The following HUWE1 variants were observed in gnomAD, a reference collection of about 807,000 sequenced individuals.
HUWE1 encodes the protein E3 ubiquitin-protein ligase HUWE1.
A neutral mutation model predicts 299.4 loss-of-function variants in HUWE1; 18 were observed. That is an observed-to-expected ratio of 0.06 (90% CI 0.04 to 0.09). The LOEUF is 0.09. HUWE1 is among the 10% of genes least tolerant of loss of function. HUWE1 has a pLI of 1.00. For synonymous variants in HUWE1, 1,317 were observed against 1,286.1 expected, an observed-to-expected ratio of 1.02 and a Z score of -0.51; for missense variants, 1,832 against 3,462.3, an observed-to-expected ratio of 0.53 and a Z score of 11.82.
Position 53,536,530 on chromosome X carries a change from G to C in HUWE1, c.12275C>G (p.Thr4092Ser), listed in dbSNP as rs587780358. The change falls in exon 79 of 84, where the codon ACC becomes AGC. Residue 4092 changes from threonine to serine, a missense_variant. Around this residue, in one of 15 missense-constraint regions of HUWE1, gnomAD observed 129 missense variants for 439.4 expected, o/e 0.29. Transcript: ENST00000262854. The part of the protein sequence containing the change: ...RTSPGDRVTY[T>S]INPSSHCNPN... ...GTTGCAGTGGGAAGATGGATTGATG[G>C]TGTAGGTGACTCGATCACCAGGTGA... 1.7e-6 allele frequency: 2 copies of C among 1,209,680 alleles called. No homozygotes were observed. Among genetic ancestry groups the C allele is most frequent in the Non-Finnish European group, 2.2e-6 (2 of 895,023 alleles).
chrX:53,542,286 G>C lies in HUWE1; in HGVS notation c.11476+157C>G, dbSNP rs2061377832. The stretch of plus-strand genomic sequence containing the variant: ...ACTACAGGAAAGAAAAGTGTGCCTT[G>C]GTTGTCAAACACCTGTCATCATTTA... On this transcript the variant is annotated intron_variant, in intron 74 of 83. Coordinates refer to ENST00000262854, the MANE Select transcript of HUWE1 (RefSeq NM_031407.7). Among the ~76,000 whole-genome samples, 2 of 112,007 alleles carry C rather than the reference G, an allele frequency of 1.8e-5. 1 individual carries two copies. The highest frequency in any genetic ancestry group is 1.9e-4 in the Admixed American group (2 of 10,602).
intron 22 of HUWE1, 113 bp downstream of exon 22, chrX:53,615,631 T>G: frequency 3.6e-6 from 2 of 548,482 alleles, no homozygotes; most frequent in Non-Finnish European, 6.4e-6. Context: ...GCAGACATAA[T>G]GCTCTTACAG....
rs782000270 is a variant in HUWE1 at position 53,542,501 on chromosome X, C to T, written c.11418G>A (p.Glu3806=). ...GCTGGTCCACATCCATGGGTGATTC[C>T]TCCCTCCGGACAGACGCCTCTGACT... is the stretch of plus-strand genomic sequence containing the variant. The part of the protein sequence containing the change: ...SSQSEASVRR[E]ESPMDVDQPS... Residue 3806 remains glutamate (E), a synonymous_variant, in exon 74 of 84, where the codon GAG becomes GAA. Coordinates refer to ENST00000262854, the MANE Select transcript of HUWE1 (RefSeq NM_031407.7). The T allele has an allele frequency of 6.6e-6, 8 of 1,203,544 alleles. No homozygotes were observed. In the South Asian group the frequency reaches 1.2e-4, roughly 19 times the overall value.
At chrX:53,572,875 A>G (rs1556953030) in intron 47 of HUWE1, among the ~76,000 whole-genome samples, 1 of 110,911 alleles carries the variant, frequency 9.0e-6, no homozygotes, top group Non-Finnish European at 1.9e-5. Flanking sequence ...ATACTTCTCA[A>G]AACTCCTCAT....
intron 7 of HUWE1, among the ~76,000 whole-genome samples, chrX:53,643,921 T>C (rs943013317): frequency 3.6e-5 from 4 of 111,307 alleles, no homozygotes; most frequent in East Asian, 5.6e-4. Flanking sequence ...CCTCCCAGGC[T>C]CAAGTGATCC....
intron 80 of HUWE1, chrX:53,535,825 G>T: frequency 2.7e-6 from 1 of 373,549 alleles, no homozygotes; most frequent in South Asian, 3.9e-5. Context: ...GAATTTAGGA[G>T]AAGAGTAACC....
chrX:53,551,120 T>C lies in HUWE1; in HGVS notation c.9166A>G (p.Met3056Val). 2.5e-6 allele frequency: 3 copies of C among 1,211,672 alleles called. No individual in the cohort carries two copies. Among genetic ancestry groups the C allele is most frequent in the East Asian group, 3.0e-5 (1 of 33,840 alleles). Residue 3056 changes from methionine to valine, a missense_variant, in exon 65 of 84, where the codon ATG (methionine) becomes GTG (valine). Coordinates refer to ENST00000262854, the MANE Select transcript of HUWE1 (RefSeq NM_031407.7). ...GTCTGGATGAAGGTCACAGGGTCCATAGGGGTGTCTGAGCTGGCATTCTGT... is the reference window on the plus strand; with the variant it reads ...GTCTGGATGAAGGTCACAGGGTCCACAGGGGTGTCTGAGCTGGCATTCTGT... Reference protein sequence around the residue: ...LAQNASSDTPMDPVTFIQTLP... With the variant: ...LAQNASSDTPVDPVTFIQTLP...
intron 23 of HUWE1, among the ~76,000 whole-genome samples, chrX:53,610,165 A>G (rs782458298): frequency 1.8e-5 from 2 of 111,599 alleles, no homozygotes; most frequent in Non-Finnish European, 3.8e-5. Flanking sequence ...ATCCACCTCT[A>G]TCGATAAGGA....
Position 53,565,229 on chromosome X carries a change from C to G in HUWE1, c.6718G>C (p.Ala2240Pro). 8.3e-7 allele frequency: 1 copy of G among 1,207,862 alleles called. No homozygotes were observed. The highest frequency in any genetic ancestry group is 1.1e-6 in the Non-Finnish European group (1 of 892,810). The change falls in exon 50 of 84, where the codon GCC becomes CCC. Residue 2240 changes from alanine to proline, a missense_variant. Ala to Pro is a conservative substitution (Grantham distance 27). Coordinates refer to ENST00000262854, the MANE Select transcript of HUWE1 (RefSeq NM_031407.7). ...HSLDLSSPNMANTVNAALKPL... is the reference protein window; with the variant it reads ...HSLDLSSPNMPNTVNAALKPL... The stretch of plus-strand genomic sequence containing the variant: ...TTCAGAGCAGCATTGACTGTGTTGG[C>G]CATGTTGGGACTGAGATAAGGGAAG...
chrX:53,676,427 C>G (rs1447567468), intron 3 of HUWE1, among the ~76,000 whole-genome samples: 1 of 111,416 alleles, frequency 9.0e-6, no homozygotes, highest in Non-Finnish European at 1.9e-5. Flanking sequence ...CACCTTAACT[C>G]TAATAAAAAG....
At chrX:53,632,002 T>G in intron 9 of HUWE1, 3 of 323,203 alleles carry the variant, frequency 9.3e-6, no homozygotes, top group South Asian at 9.0e-5. Flanking sequence ...GCTAGAAAGA[T>G]TATTTATTTA....
At chrX:53,679,825 G>A (rs2070038421) in intron 3 of HUWE1, among the ~76,000 whole-genome samples, 1 of 111,066 alleles carries the variant, frequency 9.0e-6, no homozygotes, top group Non-Finnish European at 1.9e-5. Context: ...ACGATGCCTA[G>A]GGTGATTTAA....
chrX:53,573,927 A>T lies in HUWE1; in HGVS notation c.6135T>A (p.Asp2045Glu). The change falls in exon 47 of 84, where the codon GAT becomes GAA. Residue 2045 changes from aspartate to glutamate, a missense_variant. Asp to Glu is a conservative substitution (Grantham distance 45). This residue lies in a region of HUWE1 where 157 missense variants were observed against 252.3 expected (regional missense o/e 0.62). Transcript: ENST00000262854. Reference protein sequence around the residue: ...TPEESRDGKKDKEGDRASEEG... With the variant: ...TPEESRDGKKEKEGDRASEEG... Reference sequence around the variant, plus strand: ...CCTCAGAGGCCCGGTCCCCTTCTTTATCTTTCTTCCCATCTCGAGACTCCT... The same window carrying T: ...CCTCAGAGGCCCGGTCCCCTTCTTTTTCTTTCTTCCCATCTCGAGACTCCT... 1.7e-6 allele frequency: 2 copies of T among 1,211,398 alleles called. No homozygotes were observed. Among genetic ancestry groups the T allele is most frequent in the African/African-American group, 3.5e-5 (2 of 57,792 alleles).
At chrX:53,608,427 G>A (rs1056240872) in intron 24 of HUWE1, among the ~76,000 whole-genome samples, 5 of 112,368 alleles carry the variant, frequency 4.4e-5, no homozygotes, top group Non-Finnish European at 7.5e-5. Flanking sequence ...GGCACCATGA[G>A]TGTTTCAGAT....
Position 53,588,534 on chromosome X carries a change from C to T in HUWE1, c.4462G>A (p.Val1488Met). The T allele has an allele frequency of 1.7e-6, 2 of 1,200,303 alleles. No individual in the cohort carries two copies. The highest frequency in any genetic ancestry group is 2.2e-6 in the Non-Finnish European group (2 of 889,345). ...ATCAATACATCAGCAGCTTCCCACA[C>T]CTAGAAAAGCAAAAAAAGGGTTAAG... ...DMILKQVVNQ[V>M]WEAADVLIKA... is the part of the protein sequence containing the mutation. Residue 1488 changes from valine (V) to methionine (M), a missense_variant and splice_region_variant, in exon 37 of 84, where the codon GTG becomes ATG. Val to Met is a conservative substitution (Grantham distance 21). Coordinates refer to ENST00000262854, the MANE Select transcript of HUWE1 (RefSeq NM_031407.7).
At chrX:53,535,981 G>C (rs372970538) in intron 80 of HUWE1, 166 bp downstream of exon 80, 35 of 344,754 alleles carry the variant, frequency 1.0e-4, no homozygotes, top group African/African-American at 4.8e-4. Context: ...GCAAATTCTG[G>C]TTTTCCTGTT....
At chrX:53,543,621 G>C (rs975048497) in intron 73 of HUWE1, 2 of 476,715 alleles carry the variant, frequency 4.2e-6, no homozygotes, top group Non-Finnish European at 6.9e-6. Flanking sequence ...GGATAGCTGG[G>C]AGTGGGGTAT....
intron 56 of HUWE1, 80 bp downstream of exon 56, chrX:53,560,108 C>T: frequency 2.4e-6 from 2 of 821,964 alleles, no homozygotes; most frequent in Admixed American, 5.3e-5. Flanking sequence ...GACTATTTCC[C>T]CCAAGGTTAA....
In HUWE1 at chrX:53,536,618, G is replaced by A. The variant is rs2146881246; in HGVS notation, c.12187C>T (p.Arg4063Trp). 8.3e-7 allele frequency: 1 copy of A among 1,207,372 alleles called. No homozygotes were observed. The highest frequency in any genetic ancestry group is 1.1e-6 in the Non-Finnish European group (1 of 891,639). Residue 4063 changes from arginine (R) to tryptophan (W), a missense_variant, in exon 79 of 84, where the codon CGG becomes TGG. Coordinates refer to ENST00000262854, the MANE Select transcript of HUWE1 (RefSeq NM_031407.7). ...EEGQDAGGLL[R>W]EWYMIISREM... ...CGAGAGATGATCATATACCACTCCC[G>A]CAGGAGCCCACCAGCATCCTGCCCT... is the stretch of plus-strand genomic sequence containing the variant.
Sources: allele counts gnomAD v4.1 joint callset (sites outside exome capture counted in the v4.1 genomes callset), GRCh38; gene constraint gnomAD v4.1.1; regional missense constraint gnomAD v4.1.1; transcripts MANE v1.5; gene names NCBI Gene and HGNC (gene_info 2026-07-23, HGNC 2026-07-21).